ANKRD30B: variants seen among roughly 807,000 people sequenced by gnomAD.
ANKRD30B encodes the protein ankyrin repeat domain-containing protein 30B.
ANKRD30B carries 144 observed loss-of-function variants against 202.2 expected under a neutral mutation model. The observed-to-expected ratio is 0.71, with a 90% CI of 0.62 to 0.82. ANKRD30B has a LOEUF of 0.82. Ranked by LOEUF, ANKRD30B falls within the 40% of genes least tolerant of loss-of-function variation. The pLI, the probability that ANKRD30B is intolerant of heterozygous loss-of-function variation, is 0.00. For synonymous variants in ANKRD30B, 508 were observed against 561.3 expected (o/e 0.91, Z 1.34); for missense variants, 1,487 against 1,669.1 (o/e 0.89, Z 1.90).
the ANKRD30B span, among the ~76,000 whole-genome samples, chr18:14,864,370 A>G: frequency 6.6e-6 from 1 of 152,242 alleles, no homozygotes; most frequent in East Asian, 1.9e-4. Flanking sequence ...ACCAAAACAA[A>G]AAAAACCCTG....
the ANKRD30B span, among the ~76,000 whole-genome samples, chr18:14,882,963 T>G: frequency 6.6e-6 from 1 of 152,320 alleles, no homozygotes; most frequent in Middle Eastern, 3.4e-3. Flanking sequence ...TGAAATGCTT[T>G]TTTCTATTCC....
intron 10 of ANKRD30B, among the ~76,000 whole-genome samples, chr18:14,779,585 A>G (rs547958673): frequency 5.9e-5 from 9 of 152,336 alleles, no homozygotes; most frequent in African/African-American, 2.2e-4. Context: ...CAATCAAACT[A>G]AGTAATACTA....
chr18:14,759,113 A>G (rs933637041), intron 5 of ANKRD30B: 3 of 152,190 alleles, frequency 2.0e-5, no homozygotes, highest in African/African-American at 7.2e-5. Flanking sequence ...CTCTATCTCA[A>G]GTAAGTTGCT....
the ANKRD30B span, among the ~76,000 whole-genome samples, chr18:14,900,448 A>G: frequency 6.6e-6 from 1 of 151,926 alleles, no homozygotes; most frequent in East Asian, 1.9e-4. Flanking sequence ...TAAGCTTTCT[A>G]TTCTCTTCTT....
At position 14,850,304 on chromosome 18, in the gene ANKRD30B, A is replaced by G; in HGVS notation, c.3486A>G (p.Leu1162=). 1 of 1,593,120 alleles carries G rather than the reference A, an allele frequency of 6.3e-7. No homozygotes were observed. The highest frequency in any genetic ancestry group is 1.1e-5 in the South Asian group (1 of 87,190). ...CCGAAGAGCAACTTAGGAAAAAGTT[A>G]GAAGTGAAACAACAACTTGAACAGA... The part of the protein sequence containing the change: ...IRPEEQLRKK[L]EVKQQLEQTL... The change falls in exon 41 of 44, where the codon TTA becomes TTG. Residue 1162 remains leucine, a synonymous_variant. Transcript: ENST00000690538.
At chr18:14,905,626 C>G in the ANKRD30B span, 1 of 152,174 alleles carries the variant, frequency 6.6e-6, no homozygotes, top group Non-Finnish European at 1.5e-5. Context: ...GAGTCCAACT[C>G]AGTTAAATCT....
At chr18:14,938,400 G>A in the ANKRD30B span, among the ~76,000 whole-genome samples, 1 of 152,194 alleles carries the variant, frequency 6.6e-6, no homozygotes. Flanking sequence ...CTCTTTTACA[G>A]GTCTTGAGTT....
chr18:14,764,063 G>A lies in ANKRD30B; in HGVS notation c.1198G>A (p.Glu400Lys). The change falls in exon 7 of 44, where the codon GAA becomes AAA. Residue 400 changes from glutamate (E) to lysine (K), a missense_variant. Physicochemically the swap from Glu to Lys is moderately conservative, Grantham distance 56. Coordinates refer to ENST00000690538, the MANE Select transcript of ANKRD30B (RefSeq NM_001367607.2). ...TAATATGATTGCATGTCCTACAAAA[G>A]AAACATCTACAAAAGCAAGTACAAA... ...TSNMIACPTK[E>K]TSTKASTNVD... 1 of 1,540,040 alleles carries A rather than the reference G, an allele frequency of 6.5e-7. No individual in the cohort carries two copies. Among genetic ancestry groups the A allele is most frequent in the Admixed American group, 2.2e-5 (1 of 44,480 alleles).
intron 24 of ANKRD30B, among the ~76,000 whole-genome samples, chr18:14,807,652 C>T (rs1396163345): frequency 1.3e-5 from 2 of 149,026 alleles, no homozygotes; most frequent in African/African-American, 5.0e-5. Flanking sequence ...ACAGCTCCGG[C>T]TCCCAAGTAG....
chr18:14,772,208 G>C lies in ANKRD30B; in HGVS notation c.1309G>C (p.Asp437His), dbSNP rs1362929452. 3.3e-6 allele frequency: 5 copies of C among 1,506,382 alleles called. No homozygotes were observed. Among genetic ancestry groups the C allele is most frequent in the Non-Finnish European group, 4.5e-6 (5 of 1,121,346 alleles). 93.3% of individuals were successfully genotyped at this position (1,506,382 alleles called of 1,614,324 possible). A position where few individuals can be genotyped will look rare whatever the true frequency, so the allele number is the denominator to read the frequency against. The change falls in exon 9 of 44, where the codon GAC becomes CAC. Residue 437 changes from aspartate (D) to histidine (H), a missense_variant. Physicochemically the swap from Asp to His is moderately conservative, Grantham distance 81. Transcript: ENST00000690538. ...TTCACAGTGTACAAAAGTTGAGGAAGACTTTAATCTTGCTACCAAGGTAAA... is the reference window on the plus strand; with the variant it reads ...TTCACAGTGTACAAAAGTTGAGGAACACTTTAATCTTGCTACCAAGGTAAA... ...ENSQCTKVEEDFNLATKIISK... is the reference protein window; with the variant it reads ...ENSQCTKVEEHFNLATKIISK...
At chr18:14,915,515 G>A in the ANKRD30B span, 1 of 152,126 alleles carries the variant, frequency 6.6e-6, no homozygotes, top group South Asian at 2.1e-4. Flanking sequence ...TTCCCCTCAG[G>A]GCCTAGTATG....
At chr18:14,793,205 C>T (rs1215277398) in intron 16 of ANKRD30B, among the ~76,000 whole-genome samples, 3 of 151,828 alleles carry the variant, frequency 2.0e-5, no homozygotes, top group Non-Finnish European at 2.9e-5. Flanking sequence ...GTATTATGCT[C>T]CAAGTATATA....
At chr18:14,816,305 G>A (rs1970098864) in intron 30 of ANKRD30B, 1 of 152,100 alleles carries the variant, frequency 6.6e-6, no homozygotes, top group Non-Finnish European at 1.5e-5. Context: ...TCATTCCACA[G>A]TGATTTTTTA....
At chr18:14,782,726 G>A (rs1967833319) in intron 12 of ANKRD30B, 112 bp downstream of exon 12, 4 of 559,950 alleles carry the variant, frequency 7.1e-6, no homozygotes, top group Admixed American at 3.9e-5. Context: ...ACATAACATC[G>A]AAAAGAGAGG....
At chr18:14,893,567 C>A in the ANKRD30B span, among the ~76,000 whole-genome samples, 1,898 of 151,846 alleles carry the variant, frequency 0.012, 16 homozygotes, top group African/African-American at 0.043. Flanking sequence ...GCCGAGATTT[C>A]ACCATTGCAC....
intron 15 of ANKRD30B, among the ~76,000 whole-genome samples, chr18:14,787,605 A>G (rs1968169924): frequency 6.6e-6 from 1 of 152,208 alleles, no homozygotes; most frequent in African/African-American, 2.4e-5. Flanking sequence ...GGAGAAAGAA[A>G]AGCATGAGGA....
intron 15 of ANKRD30B, among the ~76,000 whole-genome samples, chr18:14,788,075 A>T (rs1384616443): frequency 2.6e-5 from 4 of 152,198 alleles, no homozygotes; most frequent in African/African-American, 9.6e-5. Flanking sequence ...CATACACTAT[A>T]TGACAGACTC....
the ANKRD30B span, chr18:14,890,146 C>A: frequency 1.1e-5 from 8 of 730,696 alleles, no homozygotes; most frequent in South Asian, 1.5e-5. Context: ...TGCCAATGAT[C>A]CATGAATGGC....
chr18:14,822,799 A>C, intron 32 of ANKRD30B, 122 bp downstream of exon 32: 1 of 1,290,578 alleles, frequency 7.7e-7, no homozygotes, highest in East Asian at 2.8e-5. Context: ...ATTTGACACA[A>C]ATAATGCCAA....
Sources: gnomAD v4.1 joint callset for allele counts (sites outside exome capture counted in the v4.1 genomes callset) on GRCh38, gnomAD v4.1.1 for gene constraint, MANE v1.5 for transcripts, NCBI Gene and HGNC (gene_info 2026-07-23, HGNC 2026-07-21) for gene names.